Variants in CYB5R4 observed in about 807,000 individuals in gnomAD.
The protein encoded by CYB5R4 is N-terminal cytochrome b5 and cytochrome b5 oxidoreductase domain-containing protein.
In CYB5R4, 55 loss-of-function variants were observed where a neutral mutation model predicts 70.2. That is an observed-to-expected ratio of 0.78 (90% confidence interval 0.63 to 0.98). CYB5R4 has a LOEUF of 0.98. Ranked by LOEUF, CYB5R4 falls within the 50% of genes least tolerant of loss-of-function variation. CYB5R4 has a pLI of 0.00. For missense variants in CYB5R4, 562 were observed against 612.6 expected, an observed-to-expected ratio of 0.92 and a Z score of 0.87; for synonymous variants, 197 against 199.5, an observed-to-expected ratio of 0.99 and a Z score of 0.11.
At chr6:83,940,352 C>A in intron 13 of CYB5R4, 146 bp downstream of exon 13, 2 of 1,076,764 alleles carry the variant, frequency 1.9e-6, no homozygotes, top group Admixed American at 3.2e-5. Context: ...CTAATCCTAG[C>A]TATTTTATTA....
At chr6:83,868,624 T>A (rs975333146) in intron 2 of CYB5R4, among the ~76,000 whole-genome samples, 4 of 152,234 alleles carry the variant, frequency 2.6e-5, no homozygotes, top group South Asian at 2.1e-4. Context: ...ACTGCTTTTT[T>A]AAAAAACTTG....
At chr6:83,868,328 A>G (rs902905699) in intron 2 of CYB5R4, among the ~76,000 whole-genome samples, 4 of 152,152 alleles carry the variant, frequency 2.6e-5, no homozygotes, top group Non-Finnish European at 5.9e-5. Flanking sequence ...GGTTTTTATG[A>G]CTAATATTTT....
chr6:83,907,351 T>C (rs754751509), intron 3 of CYB5R4, among the ~76,000 whole-genome samples: 20 of 152,232 alleles, frequency 1.3e-4, no homozygotes, highest in Non-Finnish European at 2.8e-4. Context: ...ATACTGTCAG[T>C]TCTTTTCCTT....
intron 5 of CYB5R4, among the ~76,000 whole-genome samples, chr6:83,915,667 G>C (rs988432739): frequency 3.3e-5 from 5 of 152,210 alleles, no homozygotes; most frequent in African/African-American, 1.2e-4. Context: ...AAGTGATTTG[G>C]TTAGCACTGT....
chr6:83,892,729 G>C (rs933430429), intron 2 of CYB5R4, among the ~76,000 whole-genome samples: 17 of 152,080 alleles, frequency 1.1e-4, no homozygotes, highest in Non-Finnish European at 2.5e-4. Flanking sequence ...CTTAACCTTT[G>C]CTGAGATGAT....
At chr6:83,902,749 G>A (rs759487455) in intron 3 of CYB5R4, among the ~76,000 whole-genome samples, 1 of 151,936 alleles carries the variant, frequency 6.6e-6, no homozygotes, top group African/African-American at 2.4e-5. Context: ...TCATCTCTTT[G>A]GTTAAATTTA....
intron 1 of CYB5R4, 113 bp from the exon 2 acceptor site, chr6:83,864,062 C>T: frequency 2.1e-6 from 2 of 958,058 alleles, no homozygotes; most frequent in Non-Finnish European, 3.0e-6. Context: ...TGTTGACAGC[C>T]TCTTAAAACT....
chr6:83,868,352 T>G lies in CYB5R4; in HGVS notation c.229+4024T>G, dbSNP rs374862293. ...GACTAATATTTTGGGGACTGTTTTC[T>G]TTTTTTGAATAAGTAGCAGCATTTC... On this transcript the variant is annotated intron_variant, in intron 2 of 15. Coordinates refer to ENST00000369681, the MANE Select transcript of CYB5R4 (RefSeq NM_016230.4). Among the ~76,000 whole-genome samples the G allele has an allele frequency of 1.3e-4, 20 of 152,172 alleles. No individual in the cohort carries two copies. The East Asian group carries it at 1.7e-3, about 13-fold the overall frequency.
intron 2 of CYB5R4, among the ~76,000 whole-genome samples, chr6:83,872,658 A>G (rs1430784130): frequency 6.6e-6 from 1 of 152,184 alleles, no homozygotes; most frequent in Non-Finnish European, 1.5e-5. Context: ...GATCACAGAA[A>G]CTTCAACCCT....
intron 1 of CYB5R4, among the ~76,000 whole-genome samples, chr6:83,861,059 T>A (rs1305845186): frequency 2.0e-5 from 3 of 152,232 alleles, no homozygotes; most frequent in Non-Finnish European, 4.4e-5. Flanking sequence ...GTTTTTGACC[T>A]ATTTCTTGAA....
At chr6:83,906,228 T>TG (rs1460351744) in intron 3 of CYB5R4, among the ~76,000 whole-genome samples, 1 of 152,188 alleles carries the variant, frequency 6.6e-6, no homozygotes, top group Non-Finnish European at 1.5e-5. Flanking sequence ...CCTGGTGACT[T>TG]GCTCTTGCCT....
At chr6:83,899,573 C>G in intron 3 of CYB5R4, among the ~76,000 whole-genome samples, 1 of 152,098 alleles carries the variant, frequency 6.6e-6, no homozygotes, top group Non-Finnish European at 1.5e-5. Flanking sequence ...TGGTAGAATT[C>G]GGCTGTGAAT....
chr6:83,926,120 T>C (rs2099467236), intron 10 of CYB5R4: 1 of 152,226 alleles, frequency 6.6e-6, no homozygotes, highest in African/African-American at 2.4e-5. Context: ...TCTTTTACTA[T>C]CTGCTCATAT....
chr6:83,914,113 G>A (rs192485444), intron 4 of CYB5R4, among the ~76,000 whole-genome samples: 2 of 152,162 alleles, frequency 1.3e-5, no homozygotes, highest in East Asian at 1.9e-4. Context: ...GAAACTTGAC[G>A]TTTACATATG....
At chr6:83,924,760 A>T (rs1385184419) in intron 10 of CYB5R4, among the ~76,000 whole-genome samples, 168 bp downstream of exon 10, 1 of 152,108 alleles carries the variant, frequency 6.6e-6, no homozygotes, top group East Asian at 1.9e-4. Context: ...TTTTTTTCCC[A>T]TAGAAGTTAA....
At chr6:83,898,480 G>GT in intron 3 of CYB5R4, among the ~76,000 whole-genome samples, 1 of 152,298 alleles carries the variant, frequency 6.6e-6, no homozygotes, top group South Asian at 2.1e-4. Context: ...CTTTAAAGTA[G>GT]TTTTTTCCAG....
chr6:83,921,722 A>T (rs1459877460), intron 8 of CYB5R4, among the ~76,000 whole-genome samples: 1 of 152,238 alleles, frequency 6.6e-6, no homozygotes, highest in Non-Finnish European at 1.5e-5. Context: ...ATTTTAAAAA[A>T]CTAAAAATTC....
At chr6:83,859,900 G>A (rs761492037) in intron 1 of CYB5R4, 43 bp downstream of exon 1, 21 of 1,559,694 alleles carry the variant, frequency 1.3e-5, no homozygotes, top group Middle Eastern at 3.4e-4. Flanking sequence ...GCTGCGTTTC[G>A]AGCTCTGGCA....
At chr6:83,922,619 C>CTT (rs58965806) in intron 9 of CYB5R4, 149 bp downstream of exon 9, 55,692 of 545,524 alleles carry the variant, frequency 0.1, 6,987 homozygotes, top group African/African-American at 0.5. Context: ...GATGTTTTCT[C>CTT]TTTTTTTTTT....
Sources: gnomAD v4.1 joint callset for allele counts (sites outside exome capture counted in the v4.1 genomes callset) on GRCh38, gnomAD v4.1.1 for gene constraint, MANE v1.5 for transcripts, NCBI Gene and HGNC (gene_info 2026-07-23, HGNC 2026-07-21) for gene names.